The following DLEC1 variants were observed in gnomAD, a reference collection of about 807,000 sequenced individuals.
DLEC1 encodes the protein DLEC1 cilia and flagella associated protein.
In DLEC1, 146 loss-of-function variants were observed where a neutral mutation model predicts 198.1. The ratio of observed to expected loss-of-function variants is 0.74; its 90% CI spans 0.64 to 0.85. The LOEUF is 0.85. DLEC1 is among the 40% of genes least tolerant of loss of function. The pLI is 0.00. For synonymous variants in DLEC1, 897 were observed against 866.8 expected (o/e 1.03, Z -0.61); for missense variants, 2,233 against 2,220.0 (o/e 1.01, Z -0.12).
At chr3:38,092,070 T>C in intron 10 of DLEC1, among the ~76,000 whole-genome samples, 1 of 152,244 alleles carries the variant, frequency 6.6e-6, no homozygotes, top group Non-Finnish European at 1.5e-5. Context: ...CTCTAACTCC[T>C]GGGCTCAAAA....
At chr3:38,095,223 A>C (rs1698949878) in intron 13 of DLEC1, 152 bp downstream of exon 13, 1 of 862,328 alleles carries the variant, frequency 1.2e-6, no homozygotes, top group Non-Finnish European at 1.8e-6. Context: ...GTTGGAGTAC[A>C]CACCTGGTGT....
Position 38,095,816 on chromosome 3 carries a change from A to G in DLEC1, c.2113-72A>G, listed in dbSNP as rs1575191924. On this transcript the variant is annotated intron_variant, in intron 13 of 36. Coordinates refer to ENST00000308059, the MANE Select transcript of DLEC1 (RefSeq NM_007335.4). ...GCTAAGGGGAGGAAGAATTCCTGCC[A>G]TGCCCCAGCCTTCTCCAGGACAACC... 4.4e-6 allele frequency: 7 copies of G among 1,589,874 alleles called. No individual in the cohort carries two copies. In the East Asian group the frequency reaches 1.1e-4, roughly 25 times the overall value.
Position 38,062,590 on chromosome 3 carries a change from C to A in DLEC1, c.883C>A (p.Gln295Lys). The change falls in exon 5 of 37, where the codon CAA (glutamine) becomes AAA (lysine). Residue 295 changes from glutamine (Q) to lysine (K), a missense_variant. Coordinates refer to ENST00000308059, the MANE Select transcript of DLEC1 (RefSeq NM_007335.4). ...TTTGTATGTTTCAAAGAAAGCAAGT[C>A]AACCAAGGAATAAAAACTGGATGAA... ...RTREPLKKASQPRNKNWMNHL... is the reference protein window; with the variant it reads ...RTREPLKKASKPRNKNWMNHL... 6.2e-7 allele frequency: 1 copy of A among 1,614,084 alleles called. No homozygotes were observed. The highest frequency in any genetic ancestry group is 1.1e-5 in the South Asian group (1 of 91,058).
rs775458333 is a variant in DLEC1 at position 38,039,525 on chromosome 3, C to T, written c.300C>T (p.Phe100=). The T allele has an allele frequency of 3.3e-5, 54 of 1,614,058 alleles. No homozygotes were observed. Among genetic ancestry groups the T allele is most frequent in the Non-Finnish European group, 4.6e-5 (54 of 1,179,932 alleles). ...TCTCGCACTTGCTCACCGGCGTCTT[C>T]CGCAACTTGTACTCAGCCGAGGTCA... ...QDISHLLTGV[F]RNLYSAEVIG... Residue 100 remains phenylalanine, a synonymous_variant, in exon 1 of 37, where the codon TTC becomes TTT. Coordinates refer to ENST00000308059, the MANE Select transcript of DLEC1 (RefSeq NM_007335.4).
chr3:38,085,970 G>A (rs1326830915), intron 8 of DLEC1, among the ~76,000 whole-genome samples: 1 of 152,232 alleles, frequency 6.6e-6, no homozygotes, highest in Non-Finnish European at 1.5e-5. Flanking sequence ...GGCCCTGGCT[G>A]AGCATGAATC....
chr3:38,097,892 G>A lies in DLEC1; in HGVS notation c.2714G>A (p.Arg905Lys). 6.2e-7 allele frequency: 1 copy of A among 1,614,210 alleles called. No homozygotes were observed. The highest frequency in any genetic ancestry group is 1.1e-5 in the South Asian group (1 of 91,082). Residue 905 changes from arginine to lysine, a missense_variant, in exon 18 of 37, where the codon AGG becomes AAG. By Grantham distance (26) the Arg-to-Lys change is conservative. Transcript: ENST00000308059. ...GAGAGCCCAGTCTCCCTCCAGGAAAGGCCTGAGGATGTAAGTCAGGCACTG... is the reference window on the plus strand; with the variant it reads ...GAGAGCCCAGTCTCCCTCCAGGAAAAGCCTGAGGATGTAAGTCAGGCACTG... Reference protein sequence around the residue: ...MKESPVSLQERPEDVSPFDIE... With the variant: ...MKESPVSLQEKPEDVSPFDIE...
At chr3:38,107,433 GA>G (rs1368294771) in intron 19 of DLEC1, 150 bp from the exon 20 acceptor site, 3 of 713,914 alleles carry the variant, frequency 4.2e-6, no homozygotes, top group Non-Finnish European at 4.2e-6. Flanking sequence ...CTTATATCCT[GA>G]AACTTTGCCG....
At chr3:38,051,639 T>A (rs1168406109) in intron 2 of DLEC1, 1 of 223,540 alleles carries the variant, frequency 4.5e-6, no homozygotes, top group African/African-American at 2.3e-5. Context: ...GGAGTCGTTT[T>A]TCAGCAGAGC....
intron 19 of DLEC1, among the ~76,000 whole-genome samples, chr3:38,101,500 G>A (rs546645928): frequency 7.9e-5 from 12 of 152,004 alleles, no homozygotes; most frequent in African/African-American, 2.7e-4. Context: ...TTTATTATTC[G>A]TTAAACTATA....
At chr3:38,066,139 T>C (rs549195992) in intron 6 of DLEC1, among the ~76,000 whole-genome samples, 1 of 152,336 alleles carries the variant, frequency 6.6e-6, no homozygotes, top group South Asian at 2.1e-4. Flanking sequence ...TTTCCCATGA[T>C]CAGTTATGAA....
intron 6 of DLEC1, 91 bp from the exon 7 acceptor site, chr3:38,084,067 C>T (rs185036855): frequency 1.1e-5 from 14 of 1,281,558 alleles, no homozygotes; most frequent in Non-Finnish European, 1.5e-5. Context: ...TCTACCTCTA[C>T]CCCCTTCTCA....
chr3:38,121,983 A>T, intron 35 of DLEC1, 88 bp from the exon 36 acceptor site: 1 of 1,568,366 alleles, frequency 6.4e-7, no homozygotes, highest in Non-Finnish European at 8.7e-7. Context: ...GCAAGACCAG[A>T]GGTACAGGCC....
chr3:38,045,529 C>T lies in DLEC1; in HGVS notation c.412-14C>T, dbSNP rs1302756390. On this transcript the variant is annotated splice_polypyrimidine_tract_variant and intron_variant, in intron 1 of 36. Coordinates refer to ENST00000308059, the MANE Select transcript of DLEC1 (RefSeq NM_007335.4). ...CTCACCATATTTCTGTGCATTTGAT[C>T]ATCCCCCTGCCAGATTCGGGAGCTC... The T allele has an allele frequency of 1.2e-6, 2 of 1,609,122 alleles. No individual in the cohort carries two copies. The highest frequency in any genetic ancestry group is 1.1e-5 in the South Asian group (1 of 90,340).
At chr3:38,057,352 C>T (rs1448856403) in intron 2 of DLEC1, among the ~76,000 whole-genome samples, 7 of 152,050 alleles carry the variant, frequency 4.6e-5, no homozygotes, top group African/African-American at 1.2e-4. Flanking sequence ...ATTAGCTGGG[C>T]GTGGTGGCAC....
rs774696235 is a variant in DLEC1 at position 38,121,713 on chromosome 3, A to C, written c.4952A>C (p.Gln1651Pro). 2 of 1,613,974 alleles carry C rather than the reference A, an allele frequency of 1.2e-6. No individual in the cohort carries two copies. The highest frequency in any genetic ancestry group is 1.7e-6 in the Non-Finnish European group (2 of 1,179,986). ...WVDFGTCFVS[Q>P]QRVREVYLMN... is the part of the protein sequence containing the mutation. ...GACTTTGGGACCTGCTTTGTGAGCC[A>C]GCAGCGAGTCCGGGAGGTCTACCTG... The change falls in exon 35 of 37, where the codon CAG becomes CCG. Residue 1651 changes from glutamine to proline, a missense_variant. Coordinates refer to ENST00000308059, the MANE Select transcript of DLEC1 (RefSeq NM_007335.4).
intron 9 of DLEC1, 47 bp from the exon 10 acceptor site, chr3:38,088,249 C>T (rs762036024): frequency 4.6e-6 from 7 of 1,537,714 alleles, no homozygotes; most frequent in Non-Finnish European, 6.3e-6. Flanking sequence ...TGAATACTGG[C>T]TTTTACAATG....
chr3:38,109,893 A>C, intron 22 of DLEC1: 1 of 698,632 alleles, frequency 1.4e-6, no homozygotes, highest in Non-Finnish European at 2.3e-6. Context: ...CTGGCCAGGG[A>C]CGGTTTGTGC....
At chr3:38,039,688 C>T (rs1700564312) in intron 1 of DLEC1, 52 bp downstream of exon 1, 7 of 1,538,848 alleles carry the variant, frequency 4.5e-6, no homozygotes, top group South Asian at 1.2e-5. Flanking sequence ...TCTCAGCGCT[C>T]GGCACGCGTC....
At chr3:38,042,252 C>T (rs1700692227) in intron 1 of DLEC1, among the ~76,000 whole-genome samples, 1 of 152,098 alleles carries the variant, frequency 6.6e-6, no homozygotes, top group Admixed American at 6.5e-5. Flanking sequence ...CTCAGCATCC[C>T]AAAGTGCTAG....
Sources: gnomAD v4.1 joint callset for allele counts (sites outside exome capture counted in the v4.1 genomes callset) on GRCh38, gnomAD v4.1.1 for gene constraint, MANE v1.5 for transcripts, NCBI Gene and HGNC (gene_info 2026-07-23, HGNC 2026-07-21) for gene names.